The following OR51I2 variants were observed in gnomAD, a reference collection of about 807,000 sequenced individuals.
OR51I2 encodes olfactory receptor family 51 subfamily I member 2.
In OR51I2, 6 loss-of-function variants were observed where a neutral mutation model predicts 9.3. The ratio of observed to expected loss-of-function variants is 0.64; its 90% CI spans 0.35 to 1.27. OR51I2 has a LOEUF of 1.27. OR51I2 is among the 50% of genes most tolerant of loss of function. The probability of loss-of-function intolerance (pLI) is 0.03; values close to 1 mark genes in which losing one functional copy is unlikely to be tolerated. For synonymous variants in OR51I2, 179 were observed against 143.1 expected, an observed-to-expected ratio of 1.25 and a Z score of -1.79; for missense variants, 489 against 396.4, an observed-to-expected ratio of 1.23 and a Z score of -1.98.
At position 5,453,346 on chromosome 11, in the gene OR51I2, CATGAATG is replaced by C. The variant is rs1850886158; in HGVS notation, c.-142_-136del. On this transcript the variant is annotated 5_prime_UTR_variant, in exon 2 of 2. An upstream start codon of the reference 5' UTR is lost. Transcript: ENST00000641930. ...TGCATCATCTCAAAAGCAGTGATTT[CATGAATG>C]CGTCAGTTTCCATTTATGTCAACAT... The C allele has an allele frequency of 1.9e-6, 1 of 519,290 alleles. No homozygotes were observed. The highest frequency in any genetic ancestry group is 3.8e-5 in the Admixed American group (1 of 26,660). 32.2% of individuals were successfully genotyped at this position (519,290 alleles called of 1,614,324 possible).
Position 5,454,249 on chromosome 11 carries a change from C to A in OR51I2, c.761C>A (p.Pro254Gln). ...HILAVLAFYV[P>Q]MIGVSTVHRF... ...CTGGCTGTACTTGCATTTTATGTGCCAATGATTGGGGTCTCCACAGTGCAC... is the reference window on the plus strand; with the variant it reads ...CTGGCTGTACTTGCATTTTATGTGCAAATGATTGGGGTCTCCACAGTGCAC... Residue 254 changes from proline to glutamine, a missense_variant, in exon 2 of 2, where the codon CCA becomes CAA. Physicochemically the swap from Pro to Gln is moderately conservative, Grantham distance 76 (BLOSUM62 -1). Transcript: ENST00000641930. 1 of 1,614,152 alleles carries A rather than the reference C, an allele frequency of 6.2e-7. No homozygotes were observed. Among genetic ancestry groups the A allele is most frequent in the South Asian group, 1.1e-5 (1 of 91,082 alleles).
In OR51I2 at chr11:5,453,582, T is replaced by C; in HGVS notation, c.94T>C (p.Cys32Arg). 6.2e-7 allele frequency: 1 copy of C among 1,613,250 alleles called. No homozygotes were observed. The highest frequency in any genetic ancestry group is 8.5e-7 in the Non-Finnish European group (1 of 1,179,676). ...TCACTCCTGGCTGTCAGGGCCCCTC[T>C]GCGTGATGTATGCTGTGGCCCTTGG... Reference protein sequence around the residue: ...SSHSWLSGPLCVMYAVALGGN... With the variant: ...SSHSWLSGPLRVMYAVALGGN... Residue 32 changes from cysteine to arginine, a missense_variant, in exon 2 of 2, where the codon TGC becomes CGC. Physicochemically the swap from Cys to Arg is radical, Grantham distance 180 (BLOSUM62 -3). Coordinates refer to ENST00000641930, the MANE Select transcript of OR51I2 (RefSeq NM_001004754.3).
chr11:5,450,675 T>C (rs371199525), intron 1 of OR51I2, among the ~76,000 whole-genome samples: 1 of 152,310 alleles, frequency 6.6e-6, no homozygotes, highest in East Asian at 1.9e-4. Context: ...TGTTTAGGGG[T>C]ACCTGTGAAA....
chr11:5,454,425 T>G lies in OR51I2; in HGVS notation c.937T>G (p.Ter313GlyextTer18). Residue 313 changes from the stop codon to glycine (G), a stop_lost, in exon 2 of 2, where the codon TGA becomes GGA. Coordinates refer to ENST00000641930, the MANE Select transcript of OR51I2 (RefSeq NM_001004754.3). ...IFRMFHHIKI[*>G] ...CCGCATGTTTCACCACATCAAAATA[T>G]GACTTTCACACTTGGCTTTAGAATC... 1 of 1,601,782 alleles carries G rather than the reference T, an allele frequency of 6.2e-7. No homozygotes were observed. Among genetic ancestry groups the G allele is most frequent in the African/African-American group, 1.3e-5 (1 of 74,964 alleles).
At position 5,455,952 on chromosome 11, in the gene OR51I2, T is replaced by C. The variant is rs1850952889; in HGVS notation, c.*1525T>C. The C allele has an allele frequency of 1.3e-5, 2 of 152,216 alleles. No homozygotes were observed. Among genetic ancestry groups the C allele is most frequent in the Non-Finnish European group, 2.9e-5 (2 of 68,040 alleles). 9.4% of individuals were successfully genotyped at this position (152,216 alleles called of 1,614,324 possible). Reference sequence around the variant, plus strand: ...TCCAATGGAAAATTATTAGAATATTTAGTGGTTTAAAGTATGGTCTTCAGT... The same window carrying C: ...TCCAATGGAAAATTATTAGAATATTCAGTGGTTTAAAGTATGGTCTTCAGT... On this transcript the variant is annotated 3_prime_UTR_variant, in exon 2 of 2. Transcript: ENST00000641930.
At chr11:5,450,105 T>C (rs935182941) in intron 1 of OR51I2, among the ~76,000 whole-genome samples, 1 of 152,110 alleles carries the variant, frequency 6.6e-6, no homozygotes, top group South Asian at 2.1e-4. Flanking sequence ...AAATAAGACA[T>C]ACACCAGGCG....
In OR51I2 at chr11:5,455,225, G is replaced by A. The variant is rs1331180446; in HGVS notation, c.*798G>A. Reference sequence around the variant, plus strand: ...TGAAATATCTGACTCATAGAATTTTGGGGGAAAGGGGGAATTGTGGTAGGG... The same window carrying A: ...TGAAATATCTGACTCATAGAATTTTAGGGGAAAGGGGGAATTGTGGTAGGG... On this transcript the variant is annotated 3_prime_UTR_variant, in exon 2 of 2. Transcript: ENST00000641930. 1 of 152,034 alleles carries A rather than the reference G, an allele frequency of 6.6e-6. No individual in the cohort carries two copies. Among genetic ancestry groups the A allele is most frequent in the African/African-American group, 2.4e-5 (1 of 41,386 alleles). 9.4% of individuals were successfully genotyped at this position (152,034 alleles called of 1,614,324 possible).
chr11:5,453,434 G>A lies in OR51I2; in HGVS notation c.-55G>A. The A allele has an allele frequency of 7.5e-7, 1 of 1,335,488 alleles. No individual in the cohort carries two copies. Among genetic ancestry groups the A allele is most frequent in the Non-Finnish European group, 1.0e-6 (1 of 986,732 alleles). 82.7% of individuals were successfully genotyped at this position (1,335,488 alleles called of 1,614,324 possible). On this transcript the variant is annotated 5_prime_UTR_variant, in exon 2 of 2. The change abolishes the stop of an existing upstream ORF in the 5' untranslated region. Coordinates refer to ENST00000641930, the MANE Select transcript of OR51I2 (RefSeq NM_001004754.3). ...TGTCCTCCAGCAAGTGCAACTGTTA[G>A]AATTCTCCAAGTCAGAAGATCTGAC...
At chr11:5,449,761 A>C (rs1297598389) in intron 1 of OR51I2, among the ~76,000 whole-genome samples, 1 of 152,208 alleles carries the variant, frequency 6.6e-6, no homozygotes, top group Non-Finnish European at 1.5e-5. Flanking sequence ...TCCCATGACA[A>C]ACAGCTGAAG....
rs1444737772 is a variant in OR51I2, at chr11:5,454,380, G to C, written c.892G>C (p.Glu298Gln). Reference sequence around the variant, plus strand: ...TCTCATTTATAGCGCCAAGACAAAGGAAATCCGCCGAGCCATTTTCCGCAT... The same window carrying C: ...TCTCATTTATAGCGCCAAGACAAAGCAAATCCGCCGAGCCATTTTCCGCAT... ...NPLIYSAKTKEIRRAIFRMFH... is the reference protein window; with the variant it reads ...NPLIYSAKTKQIRRAIFRMFH... Residue 298 changes from glutamate to glutamine, a missense_variant, in exon 2 of 2, where the codon GAA (glutamate) becomes CAA (glutamine). Transcript: ENST00000641930. 4 of 1,611,652 alleles carry C rather than the reference G, an allele frequency of 2.5e-6. No individual in the cohort carries two copies. Among genetic ancestry groups the C allele is most frequent in the Non-Finnish European group, 3.4e-6 (4 of 1,179,864 alleles).
intron 1 of OR51I2, among the ~76,000 whole-genome samples, chr11:5,451,397 C>T (rs79163053): frequency 6.6e-6 from 1 of 152,102 alleles, no homozygotes. Context: ...TTCTACAAGA[C>T]TTTATATGAA....
rs1398586789 is a variant in OR51I2, at chr11:5,453,867, T to A, written c.379T>A (p.Cys127Ser). 1 of 1,614,118 alleles carries A rather than the reference T, an allele frequency of 6.2e-7. No homozygotes were observed. The highest frequency in any genetic ancestry group is 1.3e-5 in the African/African-American group (1 of 74,940). Reference protein sequence around the residue: ...AMSFDRYVAICDPLRYATVLT... With the variant: ...AMSFDRYVAISDPLRYATVLT... The stretch of plus-strand genomic sequence containing the variant: ...GAGTTTTGACCGCTATGTGGCCATT[T>A]GTGACCCCTTGCGCTATGCAACTGT... The change falls in exon 2 of 2, where the codon TGT becomes AGT. Residue 127 changes from cysteine (C) to serine (S), a missense_variant. Transcript: ENST00000641930.
rs1353632466 is a variant in OR51I2 at position 5,451,821 on chromosome 11, A to C, written c.-230-1438A>C. On this transcript the variant is annotated intron_variant, in intron 1 of 1. Coordinates refer to ENST00000641930, the MANE Select transcript of OR51I2 (RefSeq NM_001004754.3). Reference sequence around the variant, plus strand: ...TGTAATTCTGGGGTCCTTCTCTAAAATGAGGGTGACCTATTAGCTTGAAAT... The same window carrying C: ...TGTAATTCTGGGGTCCTTCTCTAAACTGAGGGTGACCTATTAGCTTGAAAT... Among the ~76,000 whole-genome samples, 4 of 152,192 alleles carry C rather than the reference A, an allele frequency of 2.6e-5. No homozygotes were observed. The East Asian group carries it at 5.8e-4, about 22-fold the overall frequency.
At chr11:5,451,678 C>A (rs1257771863) in intron 1 of OR51I2, among the ~76,000 whole-genome samples, 4 of 152,178 alleles carry the variant, frequency 2.6e-5, no homozygotes, top group African/African-American at 9.7e-5. Flanking sequence ...CTTTTAGATA[C>A]CTCATATGTT....
rs145612844 is a variant in OR51I2, at chr11:5,453,517, C to T, written c.29C>T (p.Ala10Val). The T allele has an allele frequency of 1.6e-4, 259 of 1,576,088 alleles. No individual in the cohort carries two copies. The African/African-American group carries it at 2.9e-3, about 18-fold the overall frequency. The change falls in exon 2 of 2, where the codon GCA (alanine) becomes GTA (valine). Residue 10 changes from alanine (A) to valine (V), a missense_variant. Physicochemically the swap from Ala to Val is moderately conservative, Grantham distance 64 (BLOSUM62 0). Transcript: ENST00000641930. MGLFNVTHP[A>V]FFLLTGIPGL... ...GGGTTGTTCAATGTCACTCACCCTGCATTCTTCCTCCTGACTGGTATCCCT... is the reference window on the plus strand; with the variant it reads ...GGGTTGTTCAATGTCACTCACCCTGTATTCTTCCTCCTGACTGGTATCCCT...
At chr11:5,452,438 G>T (rs370741056) in intron 1 of OR51I2, among the ~76,000 whole-genome samples, 1 of 148,048 alleles carries the variant, frequency 6.8e-6, no homozygotes, top group South Asian at 2.2e-4. Context: ...CCCGGGAGGT[G>T]GAGTTGCAGT....
Position 5,455,416 on chromosome 11 carries a change from TTC to T in OR51I2, c.*991_*992del, listed in dbSNP as rs1850936956. ...TTATGGTTTAGATACCAGAAAATAATTCTTTCAGACCTTCTCATACGCTTCCC... is the reference window on the plus strand; with the variant it reads ...TTATGGTTTAGATACCAGAAAATAATTTTCAGACCTTCTCATACGCTTCCC... On this transcript the variant is annotated 3_prime_UTR_variant, in exon 2 of 2. Coordinates refer to ENST00000641930, the MANE Select transcript of OR51I2 (RefSeq NM_001004754.3). 6.6e-6 allele frequency: 1 copy of T among 151,226 alleles called. No individual in the cohort carries two copies. Among genetic ancestry groups the T allele is most frequent in the African/African-American group, 2.4e-5 (1 of 41,160 alleles). 9.4% of individuals were successfully genotyped at this position (151,226 alleles called of 1,614,324 possible). A position where few individuals can be genotyped will look rare whatever the true frequency, so the allele number is the denominator to read the frequency against.
Position 5,455,579 on chromosome 11 carries a change from A to AAAGAGAAAGAGAGAGGAGAGAGAG in OR51I2, c.*1153_*1154insAGAGAAAGAGAGAGGAGAGAGAGA, listed in dbSNP as rs1554893777. On this transcript the variant is annotated 3_prime_UTR_variant, in exon 2 of 2. Coordinates refer to ENST00000641930, the MANE Select transcript of OR51I2 (RefSeq NM_001004754.3). ...AAAGAAGGGGGGAGAGAGAGAGAGA[A>AAAGAGAAAGAGAGAGGAGAGAGAG]AGAGAAAGAGAGAAAGAGAAAAAGA... 1 of 97,642 alleles carries AAAGAGAAAGAGAGAGGAGAGAGAG rather than the reference A, an allele frequency of 1.0e-5. No homozygotes were observed. Among genetic ancestry groups the AAAGAGAAAGAGAGAGGAGAGAGAG allele is most frequent in the African/African-American group, 4.5e-5 (1 of 22,070 alleles). 6.0% of individuals were successfully genotyped at this position (97,642 alleles called of 1,614,324 possible). A position where few individuals can be genotyped will look rare whatever the true frequency, so the allele number is the denominator to read the frequency against.
chr11:5,450,763 G>A (rs1436430262), intron 1 of OR51I2, among the ~76,000 whole-genome samples: 1 of 152,148 alleles, frequency 6.6e-6, no homozygotes, highest in African/African-American at 2.4e-5. Flanking sequence ...CGAAGACCTT[G>A]GTAAGAGAGA....
Sources: gnomAD v4.1 joint callset for allele counts (sites outside exome capture counted in the v4.1 genomes callset) on GRCh38, gnomAD v4.1.1 for gene constraint, MANE v1.5 for transcripts, NCBI Gene and HGNC (gene_info 2026-07-23, HGNC 2026-07-21) for gene names.